PDE4DIP: variants seen among roughly 807,000 people sequenced by gnomAD.
The protein encoded by PDE4DIP is myomegalin.
A neutral mutation model predicts 221.4 loss-of-function variants in PDE4DIP; 59 were observed. The observed-to-expected ratio is 0.27, with a 90% CI of 0.22 to 0.33. The LOEUF is 0.33. Among genes scored for constraint, PDE4DIP ranks in the 10% least tolerant of loss-of-function variants. PDE4DIP has a pLI of 1.00. For synonymous variants in PDE4DIP, 404 were observed against 815.9 expected, an observed-to-expected ratio of 0.50 and a Z score of 8.60; for missense variants, 1,036 against 2,154.2, an observed-to-expected ratio of 0.48 and a Z score of 10.28.
intron 5 of PDE4DIP, among the ~76,000 whole-genome samples, chr1:148,950,417 T>C (rs1315337801): frequency 2.0e-5 from 3 of 152,300 alleles, no homozygotes; most frequent in East Asian, 3.8e-4. Flanking sequence ...AGTCAGAATA[T>C]ACATAGTAGA....
At chr1:148,820,970 G>C (rs1395136092) in intron 1 of PDE4DIP, among the ~76,000 whole-genome samples, 1 of 150,088 alleles carries the variant, frequency 6.7e-6, no homozygotes, top group Non-Finnish European at 1.5e-5. Context: ...TCTTGCCTCA[G>C]CCTCCAGAGT....
intron 21 of PDE4DIP, chr1:148,984,781 C>T (rs1200199760): frequency 6.6e-6 from 1 of 152,004 alleles, no homozygotes; most frequent in Non-Finnish European, 1.5e-5. Context: ...GACTGTAAGC[C>T]TTAGAGAGAA....
intron 9 of PDE4DIP, among the ~76,000 whole-genome samples, chr1:148,963,403 C>T (rs1168514813): frequency 1.3e-5 from 2 of 152,126 alleles, no homozygotes; most frequent in African/African-American, 4.8e-5. Flanking sequence ...ATAGCACAGG[C>T]TCCTTTCTTT....
At chr1:148,997,071 A>C (rs2064416746) in intron 22 of PDE4DIP, among the ~76,000 whole-genome samples, 3 of 152,268 alleles carry the variant, frequency 2.0e-5, no homozygotes, top group African/African-American at 7.2e-5. Flanking sequence ...AAAGTTAAGT[A>C]AAAGCTCCAA....
chr1:148,930,871 A>G (rs2047842588), intron 2 of PDE4DIP: 3 of 111,416 alleles, frequency 2.7e-5, no homozygotes, highest in Non-Finnish European at 3.5e-5. Context: ...ACACTATCCA[A>G]CTTCAAACTA....
exon 21 of PDE4DIP, chr1:148,981,340 G>T: frequency 6.2e-7 from 1 of 1,614,106 alleles, no homozygotes; most frequent in Non-Finnish European, 8.5e-7. Flanking sequence ...GCTAGAAGAA[G>T]TTCTTGGAAG....
chr1:148,863,935 A>T (rs60697261), intron 2 of PDE4DIP, among the ~76,000 whole-genome samples: 1 of 122,902 alleles, frequency 8.1e-6, no homozygotes, highest in Non-Finnish European at 1.7e-5. Flanking sequence ...CTTTATCTTA[A>T]TACACCATTA....
chr1:148,944,825 A>G (rs1450217926), intron 5 of PDE4DIP, among the ~76,000 whole-genome samples: 1 of 152,160 alleles, frequency 6.6e-6, no homozygotes, highest in African/African-American at 2.4e-5. Flanking sequence ...GAGCCAAGAT[A>G]GTGCCACTGC....
chr1:148,956,611 TG>T, intron 5 of PDE4DIP, among the ~76,000 whole-genome samples: 1 of 152,086 alleles, frequency 6.6e-6, no homozygotes, highest in Middle Eastern at 3.4e-3. Flanking sequence ...AAAGCTATGA[TG>T]GGAGGGATGT....
At chr1:148,948,700 C>T (rs1553485322) in intron 5 of PDE4DIP, among the ~76,000 whole-genome samples, 1 of 148,648 alleles carries the variant, frequency 6.7e-6, no homozygotes, top group Non-Finnish European at 1.5e-5. Context: ...ACTATGTATA[C>T]AATCTACAGA....
At chr1:148,950,345 T>C (rs1394164884) in intron 5 of PDE4DIP, among the ~76,000 whole-genome samples, 1 of 152,004 alleles carries the variant, frequency 6.6e-6, no homozygotes, top group African/African-American at 2.4e-5. Flanking sequence ...CTCACATACC[T>C]AGAGGCAGGC....
intron 22 of PDE4DIP, among the ~76,000 whole-genome samples, chr1:148,995,836 C>T (rs1358621778): frequency 2.0e-5 from 3 of 146,808 alleles, no homozygotes; most frequent in South Asian, 2.1e-4. Context: ...ACATTATGCA[C>T]ATGTACCCTA....
intron 4 of PDE4DIP, among the ~76,000 whole-genome samples, chr1:148,933,012 C>T (rs2048408825): frequency 6.6e-6 from 1 of 152,128 alleles, no homozygotes; most frequent in Non-Finnish European, 1.5e-5. Context: ...GACATTGAAC[C>T]TGTCAGTGAC....
At chr1:148,995,721 A>G (rs1157534836) in intron 22 of PDE4DIP, among the ~76,000 whole-genome samples, 6 of 152,088 alleles carry the variant, frequency 3.9e-5, no homozygotes, top group Non-Finnish European at 8.8e-5. Context: ...ACTTGCTTTC[A>G]TACATGATCA....
intron 5 of PDE4DIP, among the ~76,000 whole-genome samples, chr1:148,958,417 A>C (rs1553504750): frequency 6.6e-6 from 1 of 152,054 alleles, no homozygotes; most frequent in East Asian, 1.9e-4. Flanking sequence ...CTGTTAAAAA[A>C]CTGCAGTCTA....
chr1:148,975,034 A>G (rs373601403), intron 17 of PDE4DIP, among the ~76,000 whole-genome samples: 30 of 130,120 alleles, frequency 2.3e-4, no homozygotes, highest in South Asian at 2.1e-3. Flanking sequence ...AGCCAGGTGT[A>G]GTGGCGGGCG....
chr1:148,829,025 C>T (rs1275656735), intron 1 of PDE4DIP, among the ~76,000 whole-genome samples: 1 of 147,372 alleles, frequency 6.8e-6, no homozygotes, highest in African/African-American at 2.5e-5. Context: ...TAAACACACA[C>T]ACACACACAC....
rs1194213681 is a variant in PDE4DIP at position 148,923,621 on chromosome 1, C to T, written c.142-5576C>T. Among the ~76,000 whole-genome samples the T allele has an allele frequency of 3.5e-5, 5 of 144,820 alleles. 1 individual carries two copies. In the South Asian group the frequency reaches 1.1e-3, roughly 33 times the overall value. ...CTCAAGTAGCTGGGACTACAGGAGCCCGCCACCGCTCCCGGCTAATTTTTT... is the reference window on the plus strand; with the variant it reads ...CTCAAGTAGCTGGGACTACAGGAGCTCGCCACCGCTCCCGGCTAATTTTTT... On this transcript the variant is annotated intron_variant, in intron 1 of 43. Transcript: ENST00000369354.
intron 1 of PDE4DIP, among the ~76,000 whole-genome samples, chr1:148,815,239 A>C (rs1404236956): frequency 7.6e-6 from 1 of 131,194 alleles, no homozygotes; most frequent in African/African-American, 2.8e-5. Context: ...TGAGACCATC[A>C]TTGCATAAAT....
Sources: allele counts gnomAD v4.1 joint callset (sites outside exome capture counted in the v4.1 genomes callset), GRCh38; gene constraint gnomAD v4.1.1; transcripts MANE v1.5; gene names NCBI Gene and HGNC (gene_info 2026-07-23, HGNC 2026-07-21).